VIRMA: variants seen among roughly 807,000 people sequenced by gnomAD.
VIRMA encodes vir like m6A methyltransferase associated.
In VIRMA, 65 loss-of-function variants were observed where a neutral mutation model predicts 182.4. The ratio of observed to expected loss-of-function variants is 0.36; its 90% CI spans 0.29 to 0.44. The LOEUF (loss-of-function observed/expected upper bound fraction) is 0.44, where lower values mean the gene tolerates loss of function less well. Among genes scored for constraint, VIRMA ranks in the 20% least tolerant of loss-of-function variants. VIRMA has a pLI of 1.00. For missense variants in VIRMA, 1,752 were observed against 2,158.1 expected (o/e 0.81, Z 3.73); for synonymous variants, 709 against 743.1 (o/e 0.95, Z 0.75).
chr8:94,500,475 A>C (rs1333932236), intron 16 of VIRMA, among the ~76,000 whole-genome samples: 1 of 152,174 alleles, frequency 6.6e-6, no homozygotes, highest in Non-Finnish European at 1.5e-5. Context: ...CACTACACAC[A>C]ATCTTTAAGT....
intron 3 of VIRMA, among the ~76,000 whole-genome samples, 192 bp downstream of exon 3, chr8:94,538,068 T>A (rs1289029831): frequency 6.6e-6 from 1 of 152,246 alleles, no homozygotes; most frequent in Non-Finnish European, 1.5e-5. Flanking sequence ...TTCACACATT[T>A]AAATTTTTAT....
chr8:94,494,796 A>G, intron 20 of VIRMA, 64 bp downstream of exon 20: 1 of 979,896 alleles, frequency 1.0e-6, no homozygotes, highest in South Asian at 1.4e-5. Context: ...TTATAATGCT[A>G]ACAATATATA....
intron 5 of VIRMA, 37 bp downstream of exon 5, chr8:94,534,802 T>G (rs143766192): frequency 6.2e-7 from 1 of 1,604,066 alleles, no homozygotes; most frequent in South Asian, 1.1e-5. Flanking sequence ...ACCACGGATA[T>G]AAGTTTCACT....
intron 15 of VIRMA, among the ~76,000 whole-genome samples, chr8:94,507,972 T>C (rs1204960621): frequency 7.1e-6 from 1 of 141,842 alleles, no homozygotes; most frequent in Non-Finnish European, 1.5e-5. Flanking sequence ...CATATGTGTA[T>C]ATATGTATAT....
intron 20 of VIRMA, among the ~76,000 whole-genome samples, chr8:94,493,876 T>C (rs536778103): frequency 3.1e-4 from 47 of 152,330 alleles, no homozygotes; most frequent in African/African-American, 9.6e-5. Flanking sequence ...CTGAGAAGCA[T>C]AGAACAGACT....
chr8:94,526,131 T>C (rs1814953961), intron 8 of VIRMA, 92 bp downstream of exon 8: 2 of 924,850 alleles, frequency 2.2e-6, no homozygotes, highest in Admixed American at 2.5e-5. Flanking sequence ...ATAAATAAGT[T>C]ACCTACAATC....
chr8:94,532,122 T>C lies in VIRMA; in HGVS notation c.485-1037A>G, dbSNP rs556679254. 1.5e-4 allele frequency among the ~76,000 whole-genome samples: 23 copies of C among 152,320 alleles called. No individual in the cohort carries two copies. In the South Asian group the frequency reaches 4.8e-3, roughly 32 times the overall value. ...TTGTTTCTTTTTATGTTTTGTTTTG[T>C]TTGAGACGGAGTCTTGCTCTTTCGC... On this transcript the variant is annotated intron_variant, in intron 5 of 23. Transcript: ENST00000297591.
At chr8:94,513,906 A>C (rs1265175563) in intron 11 of VIRMA, among the ~76,000 whole-genome samples, 1 of 152,238 alleles carries the variant, frequency 6.6e-6, no homozygotes, top group Admixed American at 6.5e-5. Context: ...AAGTACTCTT[A>C]GGAGAGTTGG....
At chr8:94,531,859 AAAC>A (rs1267511443) in intron 5 of VIRMA, among the ~76,000 whole-genome samples, 3 of 152,254 alleles carry the variant, frequency 2.0e-5, no homozygotes, top group Non-Finnish European at 2.9e-5. Context: ...CAGCAATAAA[AAAC>A]AACAAACTAT....
intron 8 of VIRMA, among the ~76,000 whole-genome samples, chr8:94,523,481 C>T (rs1380416996): frequency 1.3e-5 from 2 of 152,176 alleles, no homozygotes; most frequent in Admixed American, 6.6e-5. Flanking sequence ...ACAATCACAG[C>T]TCACTGCACC....
intron 2 of VIRMA, among the ~76,000 whole-genome samples, chr8:94,541,104 GAATTAT>G (rs1034319779): frequency 2.5e-4 from 37 of 150,792 alleles, no homozygotes; most frequent in Non-Finnish European, 4.9e-4. Flanking sequence ...TGGAATAGAG[GAATTAT>G]AATTATTATT....
At chr8:94,548,735 A>C (rs1815868129) in intron 1 of VIRMA, among the ~76,000 whole-genome samples, 1 of 152,052 alleles carries the variant, frequency 6.6e-6, no homozygotes. Flanking sequence ...GCCTCACTGC[A>C]AGTCCCACCT....
At chr8:94,535,050 T>A in intron 4 of VIRMA, 43 bp from the exon 5 acceptor site, 5 of 1,544,996 alleles carry the variant, frequency 3.2e-6, no homozygotes, top group Non-Finnish European at 4.3e-6. Flanking sequence ...AAAGTCATGT[T>A]TTAAAATGCT....
At chr8:94,501,128 C>T (rs28805925) in intron 16 of VIRMA, among the ~76,000 whole-genome samples, 6,976 of 151,116 alleles carry the variant, frequency 0.046, 177 homozygotes, top group African/African-American at 0.055. Context: ...TGGTGGCAGG[C>T]GCCTGTAATC....
chr8:94,491,984 A>T, intron 21 of VIRMA, 75 bp from the exon 22 acceptor site: 3 of 1,174,176 alleles, frequency 2.6e-6, no homozygotes, highest in Non-Finnish European at 2.3e-6. Context: ...TAATACCCAA[A>T]ATTATATTTC....
intron 11 of VIRMA, among the ~76,000 whole-genome samples, chr8:94,513,907 G>C (rs977187749): frequency 6.6e-6 from 1 of 152,152 alleles, no homozygotes; most frequent in African/African-American, 2.4e-5. Flanking sequence ...AGTACTCTTA[G>C]GAGAGTTGGA....
chr8:94,515,559 A>G (rs890573696), intron 10 of VIRMA, among the ~76,000 whole-genome samples: 13 of 151,568 alleles, frequency 8.6e-5, no homozygotes, highest in African/African-American at 2.9e-4. Context: ...TTTTGTAGAG[A>G]TGGGGTTTCA....
At chr8:94,509,339 C>T (rs1236400022) in intron 15 of VIRMA, among the ~76,000 whole-genome samples, 1 of 151,148 alleles carries the variant, frequency 6.6e-6, no homozygotes, top group Non-Finnish European at 1.5e-5. Flanking sequence ...GGGGCAGAGG[C>T]TGCAGTGAGC....
intron 10 of VIRMA, among the ~76,000 whole-genome samples, chr8:94,516,842 T>C (rs1262118293): frequency 2.6e-5 from 4 of 152,158 alleles, no homozygotes; most frequent in Non-Finnish European, 1.5e-5. Flanking sequence ...AAGTAAAATT[T>C]AGGATTAAAA....
Sources: gnomAD v4.1 joint callset for allele counts (sites outside exome capture counted in the v4.1 genomes callset) on GRCh38, gnomAD v4.1.1 for gene constraint, MANE v1.5 for transcripts, NCBI Gene and HGNC (gene_info 2026-07-23, HGNC 2026-07-21) for gene names.